The following HS6ST3 variants were observed in gnomAD, a reference collection of about 807,000 sequenced individuals.
HS6ST3 encodes heparan-sulfate 6-O-sulfotransferase 3.
HS6ST3 carries 12 observed loss-of-function variants against 36.7 expected under a neutral mutation model. The ratio of observed to expected loss-of-function variants is 0.33; its 90% CI spans 0.21 to 0.53. HS6ST3 has a LOEUF of 0.53. Ranked by LOEUF, HS6ST3 falls within the 20% of genes least tolerant of loss-of-function variation. HS6ST3 has a pLI of 0.95. For missense variants in HS6ST3, 584 were observed against 640.9 expected (o/e 0.91, Z 0.96); for synonymous variants, 240 against 257.5 (o/e 0.93, Z 0.65).
chr13:96,720,047 T>G (rs1041072078), intron 1 of HS6ST3, among the ~76,000 whole-genome samples: 6 of 152,140 alleles, frequency 3.9e-5, no homozygotes, highest in Non-Finnish European at 8.8e-5. Context: ...AAGCATCAGT[T>G]ATGTCTCATC....
intron 1 of HS6ST3, among the ~76,000 whole-genome samples, chr13:96,289,340 C>A (rs2054818585): frequency 6.6e-6 from 1 of 151,986 alleles, no homozygotes; most frequent in African/African-American, 2.4e-5. Flanking sequence ...TCAAAACATA[C>A]TGTAAAACAA....
At chr13:96,556,306 A>T (rs1251963057) in intron 1 of HS6ST3, among the ~76,000 whole-genome samples, 1 of 152,216 alleles carries the variant, frequency 6.6e-6, no homozygotes, top group Admixed American at 6.5e-5. Context: ...TATTTATACG[A>T]CTTAAAAGAA....
At chr13:96,302,483 T>A (rs558318602) in intron 1 of HS6ST3, among the ~76,000 whole-genome samples, 19 of 152,294 alleles carry the variant, frequency 1.2e-4, no homozygotes, top group Middle Eastern at 3.4e-3. Flanking sequence ...TATTTATAAC[T>A]CTTTATCTAT....
intron 1 of HS6ST3, among the ~76,000 whole-genome samples, chr13:96,458,032 G>A (rs759352256): frequency 6.6e-5 from 10 of 151,870 alleles, no homozygotes; most frequent in African/African-American, 1.2e-4. Flanking sequence ...TTTAGGAACC[G>A]GGGAGGAAAT....
chr13:96,486,551 C>A (rs544949834), intron 1 of HS6ST3, among the ~76,000 whole-genome samples: 1 of 152,108 alleles, frequency 6.6e-6, no homozygotes, highest in African/African-American at 2.4e-5. Context: ...TTTTAATGTT[C>A]GCCATTCTAA....
At chr13:96,499,749 G>A (rs2055994926) in intron 1 of HS6ST3, among the ~76,000 whole-genome samples, 1 of 152,134 alleles carries the variant, frequency 6.6e-6, no homozygotes, top group African/African-American at 2.4e-5. Flanking sequence ...CAGTGTGGCT[G>A]AAGCTGAGTG....
intron 1 of HS6ST3, among the ~76,000 whole-genome samples, chr13:96,689,872 G>A (rs1007218622): frequency 2.8e-4 from 43 of 151,920 alleles, no homozygotes; most frequent in African/African-American, 9.2e-4. Flanking sequence ...TTTTGATTTT[G>A]CATTAACATT....
chr13:96,193,019 G>A (rs892930574), intron 1 of HS6ST3, among the ~76,000 whole-genome samples: 4 of 151,978 alleles, frequency 2.6e-5, no homozygotes, highest in Admixed American at 1.3e-4. Flanking sequence ...TTCCTCTCTC[G>A]GCAAATTGCA....
chr13:96,464,896 AT>A (rs1477978888), intron 1 of HS6ST3, among the ~76,000 whole-genome samples: 1 of 151,988 alleles, frequency 6.6e-6, no homozygotes, highest in East Asian at 1.9e-4. Flanking sequence ...GCACATAGTT[AT>A]CCACAGTGTC....
At chr13:96,258,080 C>T (rs1381209136) in intron 1 of HS6ST3, among the ~76,000 whole-genome samples, 1 of 152,178 alleles carries the variant, frequency 6.6e-6, no homozygotes, top group Non-Finnish European at 1.5e-5. Context: ...CAGTTCAGTA[C>T]ATCAGTTAAA....
chr13:96,721,275 T>A (rs962800513), intron 1 of HS6ST3, among the ~76,000 whole-genome samples: 35 of 152,342 alleles, frequency 2.3e-4, no homozygotes, highest in Non-Finnish European at 4.0e-4. Flanking sequence ...GACCTCATAT[T>A]TGTCTCTCCT....
intron 1 of HS6ST3, among the ~76,000 whole-genome samples, chr13:96,409,435 A>T (rs183436592): frequency 9.8e-5 from 15 of 152,334 alleles, no homozygotes; most frequent in Non-Finnish European, 2.1e-4. Context: ...ACAATGCCTT[A>T]CACATGGTAG....
intron 1 of HS6ST3, among the ~76,000 whole-genome samples, chr13:96,386,473 C>T (rs929201900): frequency 2.0e-5 from 3 of 152,046 alleles, no homozygotes; most frequent in Non-Finnish European, 2.9e-5. Flanking sequence ...GTTCTTTTCC[C>T]CCCAGCTTTA....
chr13:96,518,212 T>G (rs1051680265), intron 1 of HS6ST3, among the ~76,000 whole-genome samples: 7 of 152,188 alleles, frequency 4.6e-5, no homozygotes, highest in Non-Finnish European at 8.8e-5. Flanking sequence ...TTAACAGATT[T>G]TTATTAAAAT....
chr13:96,505,845 A>G (rs1003930320), intron 1 of HS6ST3, among the ~76,000 whole-genome samples: 3 of 152,142 alleles, frequency 2.0e-5, no homozygotes, highest in African/African-American at 7.2e-5. Context: ...CTTTTCTGCA[A>G]AGGGCTTTTC....
intron 1 of HS6ST3, among the ~76,000 whole-genome samples, chr13:96,235,870 G>A (rs1050607538): frequency 1.4e-4 from 21 of 152,292 alleles, no homozygotes; most frequent in African/African-American, 5.1e-4. Context: ...ATATGGAGGG[G>A]AGTTCATTAG....
chr13:96,444,233 G>A (rs1365845798), intron 1 of HS6ST3, among the ~76,000 whole-genome samples: 2 of 152,162 alleles, frequency 1.3e-5, no homozygotes, highest in Non-Finnish European at 2.9e-5. Context: ...AATGTGGCAG[G>A]CACATGGGGC....
At chr13:96,706,097 C>T (rs1056417268) in intron 1 of HS6ST3, among the ~76,000 whole-genome samples, 3 of 152,048 alleles carry the variant, frequency 2.0e-5, no homozygotes, top group African/African-American at 7.2e-5. Context: ...CTTAAGTTGT[C>T]TTTTTATTCT....
intron 1 of HS6ST3, among the ~76,000 whole-genome samples, chr13:96,422,105 A>C (rs2139468799): frequency 6.6e-6 from 1 of 152,342 alleles, no homozygotes; most frequent in Middle Eastern, 3.4e-3. Context: ...TTAAAACAAA[A>C]TTACAGCACA....
Sources: gnomAD v4.1 joint callset for allele counts (sites outside exome capture counted in the v4.1 genomes callset) on GRCh38, gnomAD v4.1.1 for gene constraint, MANE v1.5 for transcripts, NCBI Gene and HGNC (gene_info 2026-07-23, HGNC 2026-07-21) for gene names.